The following ZNF75A variants were observed in gnomAD, a reference collection of about 807,000 sequenced individuals.
ZNF75A encodes the protein zinc finger protein 75A.
In ZNF75A, 36 loss-of-function variants were observed where a neutral mutation model predicts 46.3. The ratio of observed to expected loss-of-function variants is 0.78; its 90% CI spans 0.60 to 1.03. ZNF75A has a LOEUF of 1.03. ZNF75A is among the 50% of genes least tolerant of loss of function. The pLI, the probability that ZNF75A is intolerant of heterozygous loss-of-function variation, is 0.00. For missense variants in ZNF75A, 595 were observed against 551.3 expected, an observed-to-expected ratio of 1.08 and a Z score of -0.79; for synonymous variants, 234 against 189.9, an observed-to-expected ratio of 1.23 and a Z score of -1.91.
downstream of ZNF75A, among the ~76,000 whole-genome samples, chr16:3,322,755 T>C (rs1453882575): frequency 1.3e-5 from 2 of 152,188 alleles, no homozygotes; most frequent in African/African-American, 2.4e-5. Flanking sequence ...ACATTTATTT[T>C]TGGGCCTTTC....
chr16:3,319,128 T>C (rs1961426721), downstream of ZNF75A, among the ~76,000 whole-genome samples: 1 of 152,174 alleles, frequency 6.6e-6, no homozygotes, highest in Admixed American at 6.5e-5. Flanking sequence ...TTTTATTTTT[T>C]TTGAGACAGA....
Position 3,308,547 on chromosome 16 carries a change from A to G in ZNF75A, c.119A>G (p.Asp40Gly). The change falls in exon 2 of 7, where the codon GAC (aspartate) becomes GGC (glycine). Residue 40 changes from aspartate (D) to glycine (G), a missense_variant. Transcript: ENST00000669516. The part of the protein sequence containing the change: ...SGQSKKSPQM[D>G]CLDPKSSCWH... ...CAGAGTAAAAAATCTCCTCAAATGG[A>G]CTGTCTCGATCCTAAGAGCTCTTGC... 1.0e-6 allele frequency: 1 copy of G among 985,876 alleles called. No individual in the cohort carries two copies. The allele number at this position is 985,876 out of a possible 1,614,324, so 61.1% of individuals were successfully genotyped here. A position where few individuals can be genotyped will look rare whatever the true frequency, so the allele number is the denominator to read the frequency against.
chr16:3,317,075 G>A (rs1961268346), intron 6 of ZNF75A, 53 bp downstream of exon 6: 1 of 1,547,436 alleles, frequency 6.5e-7, no homozygotes, highest in African/African-American at 1.4e-5. Flanking sequence ...ACTTTTGCAA[G>A]GGCTTAACAT....
chr16:3,318,969 A>G (rs146961168), downstream of ZNF75A: 284 of 462,092 alleles, frequency 6.1e-4, 2 homozygotes, highest in African/African-American at 5.4e-3. Context: ...CAGGTGATAA[A>G]TTTGATGGAT....
intron 2 of ZNF75A, among the ~76,000 whole-genome samples, chr16:3,309,979 C>A (rs1960619821): frequency 6.6e-6 from 1 of 151,832 alleles, no homozygotes. Flanking sequence ...CCTCTAGTCC[C>A]AGCTTCACAA....
intron 1 of ZNF75A, chr16:3,307,677 C>A (rs1014947069): frequency 7.9e-5 from 11 of 140,104 alleles, no homozygotes; most frequent in African/African-American, 3.5e-4. Flanking sequence ...ACCATCCTGG[C>A]TATTTTTTTT....
At chr16:3,312,590 C>G in intron 3 of ZNF75A, 87 bp from the exon 4 acceptor site, 2 of 469,550 alleles carry the variant, frequency 4.3e-6, no homozygotes, top group Non-Finnish European at 5.6e-6. Context: ...CCCATCTGTA[C>G]TTAAAAAGTC....
intron 5 of ZNF75A, chr16:3,314,659 T>C: frequency 1.0e-6 from 1 of 985,348 alleles, no homozygotes. Flanking sequence ...TTAATTTCTT[T>C]AGCACCTGGC....
At position 3,316,993 on chromosome 16, in the gene ZNF75A, T is replaced by C. The variant is rs1163015103; in HGVS notation, c.905T>C (p.Phe302Ser). The C allele has an allele frequency of 6.2e-7, 1 of 1,613,958 alleles. No individual in the cohort carries two copies. The highest frequency in any genetic ancestry group is 8.5e-7 in the Non-Finnish European group (1 of 1,179,974). Residue 302 changes from phenylalanine (F) to serine (S), a missense_variant, in exon 6 of 7, where the codon TTT becomes TCT. Phe to Ser is a radical substitution (Grantham distance 155). Coordinates refer to ENST00000669516, the MANE Select transcript of ZNF75A (RefSeq NM_001302109.2). Reference sequence around the variant, plus strand: ...CCATGGGTTCAAGTATCCCCGGAGTTTAAGGATAGTGCCGGAAAATCTCCT... The same window carrying C: ...CCATGGGTTCAAGTATCCCCGGAGTCTAAGGATAGTGCCGGAAAATCTCCT... ...EEPWVQVSPE[F>S]KDSAGKSPTG...
Position 3,314,968 on chromosome 16 carries a change from G to A in ZNF75A, c.823+1793G>A, listed in dbSNP as rs994364388. The A allele has an allele frequency of 5.1e-6, 5 of 985,226 alleles. No homozygotes were observed. The African/African-American group carries it at 8.7e-5, about 17-fold the overall frequency. The allele number at this position is 985,226 out of a possible 1,614,324, so 61.0% of individuals were successfully genotyped here. ...GTGAGAGGGTCTCAGTGTTCCAGGA[G>A]CTGGTTGATTCTCAACTAGATAGTG... On this transcript the variant is annotated intron_variant, in intron 5 of 6. Transcript: ENST00000669516.
At chr16:3,320,937 C>T (rs1470375851), downstream of ZNF75A, among the ~76,000 whole-genome samples, 1 of 152,146 alleles carries the variant, frequency 6.6e-6, no homozygotes, top group Admixed American at 6.5e-5. Flanking sequence ...AGGAGCAAGA[C>T]AGTTCCACCT....
intron 5 of ZNF75A, chr16:3,314,737 C>T (rs1961070201): frequency 1.0e-6 from 1 of 985,302 alleles, no homozygotes; most frequent in Non-Finnish European, 1.2e-6. Context: ...AGTCCATTCT[C>T]TTCTTTAGAG....
chr16:3,311,081 C>T (rs1184395269), intron 2 of ZNF75A: 1 of 428,194 alleles, frequency 2.3e-6, no homozygotes, highest in Non-Finnish European at 3.1e-6. Context: ...AACTAGAAGA[C>T]AGAAAACCAC....
chr16:3,317,664 A>G lies in ZNF75A; in HGVS notation c.1409A>G (p.Asn470Ser). 1 of 1,614,148 alleles carries G rather than the reference A, an allele frequency of 6.2e-7. No homozygotes were observed. The highest frequency in any genetic ancestry group is 8.5e-7 in the Non-Finnish European group (1 of 1,180,016). Residue 470 changes from asparagine to serine, a missense_variant, in exon 7 of 7, where the codon AAT becomes AGT. Asn to Ser is a conservative substitution (Grantham distance 46). Transcript: ENST00000669516. Reference sequence around the variant, plus strand: ...TGGTGTGGGAAAAGCTTCAGTCAAAATACAAATTTACATACACACCAAAGA... The same window carrying G: ...TGGTGTGGGAAAAGCTTCAGTCAAAGTACAAATTTACATACACACCAAAGA... The part of the protein sequence containing the change: ...CSWCGKSFSQ[N>S]TNLHTHQRTH...
chr16:3,306,328 A>T (rs1424064721), intron 1 of ZNF75A: 2 of 152,200 alleles, frequency 1.3e-5, no homozygotes, highest in Non-Finnish European at 2.9e-5. Context: ...ATACGACTTG[A>T]TATTTTGTAA....
downstream of ZNF75A, among the ~76,000 whole-genome samples, chr16:3,319,361 C>T (rs959606458): frequency 1.4e-4 from 22 of 152,228 alleles, no homozygotes; most frequent in African/African-American, 3.4e-4. Flanking sequence ...GTGATCCACC[C>T]GCCTCGGCCT....
chr16:3,308,874 G>C, intron 2 of ZNF75A, 38 bp downstream of exon 2: 2 of 980,792 alleles, frequency 2.0e-6, no homozygotes, highest in Non-Finnish European at 2.4e-6. Flanking sequence ...AGTGAAATAG[G>C]ATGCAGGTGG....
chr16:3,322,968 G>A (rs563568320), downstream of ZNF75A: 11 of 983,374 alleles, frequency 1.1e-5, no homozygotes, highest in South Asian at 3.3e-4. Context: ...GGCAGCCAAT[G>A]TAGAAAATGC....
rs1397356999 is a variant in ZNF75A at position 3,314,601 on chromosome 16, C to T, written c.823+1426C>T. On this transcript the variant is annotated intron_variant, in intron 5 of 6. Coordinates refer to ENST00000669516, the MANE Select transcript of ZNF75A (RefSeq NM_001302109.2). ...GATCCCTTGGCTCCTTTTCTTCTGCCTTCGCCCCCGTGGGCCCCCGCCTTT... is the reference window on the plus strand; with the variant it reads ...GATCCCTTGGCTCCTTTTCTTCTGCTTTCGCCCCCGTGGGCCCCCGCCTTT... 3.3e-6 allele frequency: 3 copies of T among 916,958 alleles called. No homozygotes were observed. The African/African-American group carries it at 5.4e-5, about 16-fold the overall frequency. 56.8% of individuals were successfully genotyped at this position (916,958 alleles called of 1,614,324 possible). A position where few individuals can be genotyped will look rare whatever the true frequency, so the allele number is the denominator to read the frequency against.
Sources: allele counts gnomAD v4.1 joint callset (sites outside exome capture counted in the v4.1 genomes callset), GRCh38; gene constraint gnomAD v4.1.1; transcripts MANE v1.5; gene names NCBI Gene and HGNC (gene_info 2026-07-23, HGNC 2026-07-21).